EHBP1: variants seen among roughly 807,000 people sequenced by gnomAD.
EHBP1 encodes the protein EH domain-binding protein 1.
In EHBP1, 55 loss-of-function variants were observed where a neutral mutation model predicts 144.0. That is an observed-to-expected ratio of 0.38 (90% CI 0.31 to 0.48). The LOEUF is 0.48. Ranked by LOEUF, EHBP1 falls within the 20% of genes least tolerant of loss-of-function variation. EHBP1 has a pLI of 0.98. For synonymous variants in EHBP1, 469 were observed against 472.7 expected (o/e 0.99, Z 0.10); for missense variants, 1,200 against 1,364.2 (o/e 0.88, Z 1.90).
intron 2 of EHBP1, among the ~76,000 whole-genome samples, chr2:62,739,637 A>G (rs2038498100): frequency 1.3e-5 from 2 of 152,170 alleles, no homozygotes; most frequent in African/African-American, 4.8e-5. Flanking sequence ...TTGTCTTACA[A>G]ATATCCTTAT....
intron 15 of EHBP1, among the ~76,000 whole-genome samples, chr2:62,980,774 T>C (rs2058928825): frequency 6.6e-6 from 1 of 151,020 alleles, no homozygotes; most frequent in African/African-American, 2.4e-5. Flanking sequence ...AACCCAGGAG[T>C]TCGAGATCAG....
intron 7 of EHBP1, among the ~76,000 whole-genome samples, chr2:62,854,882 T>C (rs1211464780): frequency 2.0e-5 from 3 of 152,098 alleles, no homozygotes; most frequent in Admixed American, 2.0e-4. Flanking sequence ...CCCTTCTGAG[T>C]TGGGGCTGGA....
chr2:62,796,178 C>G (rs1339776686), intron 5 of EHBP1, among the ~76,000 whole-genome samples: 1 of 152,000 alleles, frequency 6.6e-6, no homozygotes, highest in Non-Finnish European at 1.5e-5. Context: ...TAGAATACAT[C>G]AGTTACTTCT....
intron 7 of EHBP1, among the ~76,000 whole-genome samples, chr2:62,839,335 C>T (rs1218933100): frequency 6.3e-5 from 9 of 143,868 alleles, no homozygotes; most frequent in South Asian, 2.3e-4. Context: ...ATTGATGGGA[C>T]GTATTTCAAA....
chr2:62,909,902 C>T (rs947802529), intron 10 of EHBP1, among the ~76,000 whole-genome samples: 5 of 152,054 alleles, frequency 3.3e-5, no homozygotes, highest in African/African-American at 4.8e-5. Flanking sequence ...GGACTACAGG[C>T]GCATGTCACC....
At chr2:62,944,512 A>G (rs1301021991) in intron 12 of EHBP1, among the ~76,000 whole-genome samples, 3 of 152,184 alleles carry the variant, frequency 2.0e-5, no homozygotes, top group Admixed American at 2.0e-4. Context: ...AGTAGGCTGT[A>G]CCATCTAGGT....
At chr2:62,759,012 A>G (rs897279573) in intron 3 of EHBP1, among the ~76,000 whole-genome samples, 20 of 152,194 alleles carry the variant, frequency 1.3e-4, no homozygotes, top group Admixed American at 1.1e-3. Context: ...CTAACTCTGT[A>G]CTTAGTTCTG....
intron 7 of EHBP1, among the ~76,000 whole-genome samples, chr2:62,855,437 G>T (rs756698044): frequency 9.9e-5 from 15 of 152,266 alleles, no homozygotes; most frequent in South Asian, 2.1e-4. Flanking sequence ...ACCATGAATG[G>T]CAGCAGGAGG....
intron 8 of EHBP1, among the ~76,000 whole-genome samples, chr2:62,863,868 A>T (rs2049835676): frequency 2.7e-5 from 2 of 74,996 alleles, no homozygotes; most frequent in African/African-American, 4.6e-5. Context: ...TTTTTTTTAA[A>T]CAGAGTCTCG....
At chr2:63,008,141 A>G (rs990676399) in intron 19 of EHBP1, among the ~76,000 whole-genome samples, 10 of 151,778 alleles carry the variant, frequency 6.6e-5, no homozygotes, top group Non-Finnish European at 1.5e-5. Context: ...ATTTAAATAA[A>G]TTTTACTTTG....
At position 63,045,144 on chromosome 2, in the gene EHBP1, A is replaced by T; in HGVS notation, c.3356A>T (p.Asp1119Val). Residue 1119 changes from aspartate (D) to valine (V), a missense_variant, in exon 22 of 23, where the codon GAT becomes GTT. By Grantham distance (152) the Asp-to-Val change is radical (BLOSUM62 -3). Around this residue, in one of 6 missense-constraint regions of EHBP1, gnomAD observed 149 missense variants for 217.0 expected, o/e 0.69. Transcript: ENST00000431489. This position sits in a 1 kb window ranked among gnomAD's most constrained non-coding sequence, Gnocchi z 5.7. Reference protein sequence around the residue: ...DELVALVNKRDALVRDLDAQE... With the variant: ...DELVALVNKRVALVRDLDAQE... ...CTGGTGGCCCTGGTGAACAAGCGCG[A>T]TGCGCTCGTCAGGGACCTGGACGCG... 1 of 1,596,628 alleles carries T rather than the reference A, an allele frequency of 6.3e-7. No individual in the cohort carries two copies.
Position 62,989,141 on chromosome 2 carries a change from A to AT in EHBP1, c.2609-1573dup, listed in dbSNP as rs201707831. Among the ~76,000 whole-genome samples the AT allele has an allele frequency of 7.2e-5, 11 of 152,252 alleles. No homozygotes were observed. The East Asian group carries it at 2.1e-3, about 29-fold the overall frequency. On this transcript the variant is annotated intron_variant, in intron 15 of 22. Coordinates refer to ENST00000431489, the MANE Select transcript of EHBP1 (RefSeq NM_001142616.3). The stretch of plus-strand genomic sequence containing the variant: ...AAAACTTTTAAATGTTTAACCCAAA[A>AT]TTAGAACTACATTTTACTTCTTTCT...
At chr2:62,984,872 T>C (rs1221739089) in intron 15 of EHBP1, among the ~76,000 whole-genome samples, 1 of 152,176 alleles carries the variant, frequency 6.6e-6, no homozygotes, top group Non-Finnish European at 1.5e-5. Flanking sequence ...TAGCACTGTA[T>C]AAGTGGGTAA....
intron 5 of EHBP1, among the ~76,000 whole-genome samples, chr2:62,813,566 G>A (rs1333639768): frequency 6.6e-6 from 1 of 152,176 alleles, no homozygotes; most frequent in Non-Finnish European, 1.5e-5. Flanking sequence ...ACTCCAGCCT[G>A]GGAAAGCTGC....
chr2:62,907,574 A>T (rs1407624827), intron 10 of EHBP1, among the ~76,000 whole-genome samples: 1 of 152,170 alleles, frequency 6.6e-6, no homozygotes, highest in Admixed American at 6.5e-5. Flanking sequence ...CACCTGCTTG[A>T]GAAAGGAAGC....
At chr2:62,876,714 A>G (rs896024047) in intron 10 of EHBP1, among the ~76,000 whole-genome samples, 1 of 152,196 alleles carries the variant, frequency 6.6e-6, no homozygotes, top group African/African-American at 2.4e-5. Flanking sequence ...AAGCCAGCAC[A>G]TCTTACATGG....
chr2:62,968,016 G>A (rs939533201), intron 14 of EHBP1, among the ~76,000 whole-genome samples: 3 of 151,954 alleles, frequency 2.0e-5, no homozygotes, highest in African/African-American at 2.4e-5. Context: ...AGGATACATC[G>A]TATTTTGAGC....
At chr2:62,735,587 T>G (rs2038048088) in intron 2 of EHBP1, among the ~76,000 whole-genome samples, 1 of 152,126 alleles carries the variant, frequency 6.6e-6, no homozygotes, top group Non-Finnish European at 1.5e-5. Flanking sequence ...CAAATACAAG[T>G]TTTCCTTTTA....
intron 5 of EHBP1, among the ~76,000 whole-genome samples, chr2:62,797,716 C>A (rs777493141): frequency 6.6e-6 from 1 of 152,068 alleles, no homozygotes; most frequent in African/African-American, 2.4e-5. Flanking sequence ...AACAAAAATA[C>A]AAAACTGTAA....
Sources: allele counts gnomAD v4.1 joint callset (sites outside exome capture counted in the v4.1 genomes callset), GRCh38; gene constraint gnomAD v4.1.1; regional missense constraint gnomAD v4.1.1; non-coding constraint Gnocchi (gnomAD v3.1); transcripts MANE v1.5; gene names NCBI Gene and HGNC (gene_info 2026-07-23, HGNC 2026-07-21).